The following PCDH15 variants were observed in gnomAD, a reference collection of about 807,000 sequenced individuals.
The protein encoded by PCDH15 is protocadherin-15.
In PCDH15, 129 loss-of-function variants were observed where a neutral mutation model predicts 178.5. That is an observed-to-expected ratio of 0.72 (90% CI 0.63 to 0.84). The LOEUF is 0.84. Ranked by LOEUF, PCDH15 falls within the 40% of genes least tolerant of loss-of-function variation. The pLI is 0.00. For synonymous variants in PCDH15, 800 were observed against 732.0 expected (o/e 1.09, Z -1.50); for missense variants, 2,230 against 2,099.9 (o/e 1.06, Z -1.21).
chr10:55,246,068 A>C (rs942174314), intron 1 of PCDH15, among the ~76,000 whole-genome samples: 1 of 152,224 alleles, frequency 6.6e-6, no homozygotes, highest in African/African-American at 2.4e-5. Flanking sequence ...CAAAGTTTGC[A>C]TCAATGGCCC....
chr10:54,697,547 G>A (rs2095247025), intron 1 of PCDH15, among the ~76,000 whole-genome samples: 1 of 141,414 alleles, frequency 7.1e-6, no homozygotes, highest in Non-Finnish European at 1.5e-5. Flanking sequence ...CTCTTTACAT[G>A]CTTGCAATAG....
intron 2 of PCDH15, among the ~76,000 whole-genome samples, chr10:55,101,938 T>A (rs1842585408): frequency 6.6e-6 from 1 of 151,736 alleles, no homozygotes; most frequent in Non-Finnish European, 1.5e-5. Context: ...GGATATAATG[T>A]TTTATAAAAT....
chr10:55,553,111 A>G (rs1209777748), intron 2 of PCDH15, among the ~76,000 whole-genome samples: 9 of 151,672 alleles, frequency 5.9e-5, no homozygotes, highest in African/African-American at 2.2e-4. Flanking sequence ...TGCTGATTTC[A>G]TAAATTAAGT....
intron 2 of PCDH15, among the ~76,000 whole-genome samples, chr10:54,913,478 T>C (rs1022053655): frequency 7.2e-5 from 11 of 152,114 alleles, no homozygotes; most frequent in African/African-American, 2.7e-4. Flanking sequence ...CAGAAGAATG[T>C]GGAAGGGGCA....
In PCDH15 at chr10:54,794,140, T is replaced by TTA. The variant is rs765953775; in HGVS notation, c.-29+6783_-29+6784dup. 1.2e-4 allele frequency among the ~76,000 whole-genome samples: 18 copies of TTA among 147,614 alleles called. 1 individual carries two copies. The East Asian group carries it at 1.4e-3, about 11-fold the overall frequency. ...GATATATATAAGATATATATATATC[T>TTA]TATATATATCTTAAAGGAAATATAA... On this transcript the variant is annotated intron_variant, in intron 1 of 37. Coordinates refer to ENST00000644397, the MANE Select transcript of PCDH15 (RefSeq NM_001384140.1).
intron 2 of PCDH15, among the ~76,000 whole-genome samples, chr10:55,589,667 C>T (rs1335580258): frequency 1.3e-5 from 2 of 152,024 alleles, no homozygotes; most frequent in African/African-American, 2.4e-5. Context: ...TGAACAGACA[C>T]TTCTCAAAAG....
chr10:55,379,939 T>C (rs1286603721), intron 2 of PCDH15, among the ~76,000 whole-genome samples: 1 of 152,182 alleles, frequency 6.6e-6, no homozygotes, highest in African/African-American at 2.4e-5. Flanking sequence ...AAAGAAAATA[T>C]AGTAATACTA....
chr10:53,821,612 CT>C, intron 32 of PCDH15: 1 of 1,224,418 alleles, frequency 8.2e-7, no homozygotes, highest in Non-Finnish European at 1.0e-6. Context: ...AAATTACTTA[CT>C]TTTCAAATAA....
At chr10:54,566,851 G>A (rs537379580) in intron 2 of PCDH15, among the ~76,000 whole-genome samples, 1 of 152,200 alleles carries the variant, frequency 6.6e-6, no homozygotes, top group East Asian at 1.9e-4. Flanking sequence ...TAAATACCAA[G>A]GAGAATGACC....
In PCDH15 at chr10:54,902,846, T is replaced by C. The variant is rs551849772; in HGVS notation, c.-79-5346A>G. ...TCATTTGAGAGGGAGGGAAAGAGCA[T>C]GGGCTTTAAAGACAGCCATAGATAG... On this transcript the variant is annotated intron_variant, in intron 2 of 5. Transcript: ENST00000458638. Among the ~76,000 whole-genome samples the C allele has an allele frequency of 2.6e-5, 4 of 152,236 alleles. No individual in the cohort carries two copies. The South Asian group carries it at 6.2e-4, about 24-fold the overall frequency.
intron 2 of PCDH15, among the ~76,000 whole-genome samples, chr10:55,159,341 A>ATATC (rs1358781966): frequency 4.8e-4 from 16 of 33,118 alleles, no homozygotes; most frequent in Admixed American, 9.2e-4. Flanking sequence ...TAAGATTACC[A>ATATC]TATCTATCTA....
intron 2 of PCDH15, among the ~76,000 whole-genome samples, chr10:55,109,625 TG>T (rs1466151935): frequency 6.6e-6 from 1 of 152,136 alleles, no homozygotes; most frequent in East Asian, 1.9e-4. Flanking sequence ...ATAAGGTCGG[TG>T]AAAAATCTCA....
intron 8 of PCDH15, among the ~76,000 whole-genome samples, chr10:54,310,796 A>T (rs2060853229): frequency 6.6e-6 from 1 of 152,032 alleles, no homozygotes; most frequent in Admixed American, 6.6e-5. Flanking sequence ...ACTCTTTAAA[A>T]TTTAATCATA....
At chr10:54,485,244 T>C (rs772637221) in intron 3 of PCDH15, among the ~76,000 whole-genome samples, 4 of 151,862 alleles carry the variant, frequency 2.6e-5, no homozygotes, top group Non-Finnish European at 4.4e-5. Flanking sequence ...ACTTTCTATA[T>C]ACCAGAAACT....
intron 2 of PCDH15, among the ~76,000 whole-genome samples, chr10:55,146,826 A>G (rs1481925294): frequency 6.7e-6 from 1 of 148,374 alleles, no homozygotes; most frequent in African/African-American, 2.5e-5. Flanking sequence ...CAATTATCTC[A>G]AAAGACCAAG....
At chr10:54,279,141 ATATT>A (rs1200847548) in intron 8 of PCDH15, among the ~76,000 whole-genome samples, 3 of 151,602 alleles carry the variant, frequency 2.0e-5, no homozygotes, top group South Asian at 2.1e-4. Flanking sequence ...AAAAATATCA[ATATT>A]AAATATTAGC....
intron 2 of PCDH15, among the ~76,000 whole-genome samples, chr10:54,945,771 C>T (rs1184426464): frequency 6.6e-6 from 1 of 151,690 alleles, no homozygotes; most frequent in Non-Finnish European, 1.5e-5. Context: ...CATCCAGGGG[C>T]TGCATTACGT....
At chr10:54,356,387 T>A (rs1944977948) in intron 5 of PCDH15, among the ~76,000 whole-genome samples, 1 of 151,958 alleles carries the variant, frequency 6.6e-6, no homozygotes, top group African/African-American at 2.4e-5. Context: ...AATTGAAAAC[T>A]AAACTTGGTT....
At chr10:53,816,576 A>C (rs1415126655) in intron 34 of PCDH15, among the ~76,000 whole-genome samples, 1 of 152,206 alleles carries the variant, frequency 6.6e-6, no homozygotes, top group Non-Finnish European at 1.5e-5. Flanking sequence ...TAAGCTCCAC[A>C]GTACAAAGAG....
Sources: gnomAD v4.1 joint callset for allele counts (sites outside exome capture counted in the v4.1 genomes callset) on GRCh38, gnomAD v4.1.1 for gene constraint, MANE v1.5 for transcripts, NCBI Gene and HGNC (gene_info 2026-07-23, HGNC 2026-07-21) for gene names.